Variants in NEGR1 observed in about 807,000 individuals in gnomAD.
The protein encoded by NEGR1 is IgLON family member 4.
NEGR1 carries 10 observed loss-of-function variants against 40.9 expected under a neutral mutation model. That is an observed-to-expected ratio of 0.24 (90% CI 0.15 to 0.42). The LOEUF is 0.42. Among genes scored for constraint, NEGR1 ranks in the 10% least tolerant of loss-of-function variants. The pLI is 1.00. For missense variants in NEGR1, 352 were observed against 438.9 expected (o/e 0.80, Z 1.77); for synonymous variants, 185 against 166.8 (o/e 1.11, Z -0.84).
chr1:71,705,580 C>T (rs778290858), intron 3 of NEGR1, among the ~76,000 whole-genome samples: 5 of 152,002 alleles, frequency 3.3e-5, no homozygotes, highest in Non-Finnish European at 5.9e-5. Flanking sequence ...CCAGGCCTGG[C>T]GTGGTGGTGG....
chr1:71,563,952 C>T (rs961804501), intron 6 of NEGR1, among the ~76,000 whole-genome samples: 2 of 149,944 alleles, frequency 1.3e-5, no homozygotes, highest in African/African-American at 4.9e-5. Context: ...GCACACTGAT[C>T]GGGGAGGAAA....
intron 1 of NEGR1, among the ~76,000 whole-genome samples, chr1:72,196,496 A>C (rs1653003289): frequency 6.6e-6 from 1 of 152,136 alleles, no homozygotes; most frequent in Admixed American, 6.6e-5. Context: ...CTGGCTGGGC[A>C]CAGTGGCCCA....
At chr1:71,887,670 G>A (rs1052809266) in intron 2 of NEGR1, among the ~76,000 whole-genome samples, 6 of 151,958 alleles carry the variant, frequency 3.9e-5, no homozygotes, top group Non-Finnish European at 5.9e-5. Flanking sequence ...CCTCCTTCCA[G>A]CTTTTTAAAA....
chr1:72,157,479 C>T (rs181230181), intron 1 of NEGR1, among the ~76,000 whole-genome samples: 2 of 152,266 alleles, frequency 1.3e-5, no homozygotes, highest in Admixed American at 1.3e-4. Context: ...TTTTGTAACT[C>T]TCACATATAT....
chr1:71,988,419 G>T (rs1379579322), intron 1 of NEGR1, among the ~76,000 whole-genome samples: 1 of 151,526 alleles, frequency 6.6e-6, no homozygotes, highest in East Asian at 1.9e-4. Context: ...GGCGCCTGTA[G>T]TCCCAGCTAC....
chr1:71,667,513 A>G (rs1652282314), intron 4 of NEGR1, among the ~76,000 whole-genome samples: 1 of 152,152 alleles, frequency 6.6e-6, no homozygotes, highest in Admixed American at 6.6e-5. Flanking sequence ...CTCCAATTCT[A>G]CACCCTGGTG....
At chr1:71,833,229 A>AT (rs1359401062) in intron 2 of NEGR1, among the ~76,000 whole-genome samples, 1 of 152,046 alleles carries the variant, frequency 6.6e-6, no homozygotes, top group Non-Finnish European at 1.5e-5. Flanking sequence ...TATGAACATC[A>AT]TTTTTTAAGT....
chr1:72,041,344 A>G (rs183065850), intron 1 of NEGR1, among the ~76,000 whole-genome samples: 2 of 150,592 alleles, frequency 1.3e-5, no homozygotes, highest in Admixed American at 1.3e-4. Flanking sequence ...TAGCTTTGGT[A>G]TTTTGGTGTC....
chr1:72,060,227 C>A (rs953330867), intron 1 of NEGR1, among the ~76,000 whole-genome samples: 2 of 151,626 alleles, frequency 1.3e-5, no homozygotes, highest in Non-Finnish European at 3.0e-5. Flanking sequence ...CCCTCACACA[C>A]AGACAGTTAA....
At chr1:71,580,123 A>C (rs1231839535) in intron 6 of NEGR1, among the ~76,000 whole-genome samples, 2 of 152,142 alleles carry the variant, frequency 1.3e-5, no homozygotes, top group African/African-American at 4.8e-5. Flanking sequence ...AATACTATGC[A>C]GCCATAAAAA....
Position 71,528,189 on chromosome 1 carries a change from G to T in NEGR1, c.940+64628C>A, listed in dbSNP as rs1014946424. 2.0e-5 allele frequency among the ~76,000 whole-genome samples: 3 copies of T among 151,214 alleles called. No homozygotes were observed. In the East Asian group the frequency reaches 5.9e-4, roughly 29 times the overall value. On this transcript the variant is annotated intron_variant, in intron 6 of 6. Coordinates refer to ENST00000357731, the MANE Select transcript of NEGR1 (RefSeq NM_173808.3). ...AGTCTTCTACATTTTCTACCATTTT[G>T]ACTTTTTAAGTTTTTGCTTGCTATG...
chr1:72,142,830 T>C (rs1650739433), intron 1 of NEGR1, among the ~76,000 whole-genome samples: 1 of 151,804 alleles, frequency 6.6e-6, no homozygotes, highest in South Asian at 2.1e-4. Flanking sequence ...TGATGATCCC[T>C]AGAAAGAAAG....
At chr1:71,521,768 G>T (rs1274242432) in intron 6 of NEGR1, among the ~76,000 whole-genome samples, 1 of 151,906 alleles carries the variant, frequency 6.6e-6, no homozygotes, top group Non-Finnish European at 1.5e-5. Context: ...TTTATAAGAG[G>T]GGAGAAGATA....
intron 3 of NEGR1, among the ~76,000 whole-genome samples, chr1:71,759,336 C>T (rs1329398946): frequency 4.0e-5 from 4 of 101,134 alleles, no homozygotes; most frequent in South Asian, 6.6e-4. Flanking sequence ...CTCACTTTGT[C>T]GCCCAGGCTG....
intron 4 of NEGR1, among the ~76,000 whole-genome samples, chr1:71,627,344 A>G (rs1650820553): frequency 6.6e-6 from 1 of 152,164 alleles, no homozygotes; most frequent in Admixed American, 6.6e-5. Context: ...GCAATATCAC[A>G]TGTAACACTA....
chr1:71,703,484 C>A (rs1653768463), intron 3 of NEGR1: 7 of 142,286 alleles, frequency 4.9e-5, no homozygotes, highest in South Asian at 2.2e-4. Flanking sequence ...AGAAAGAGAC[C>A]TAGAAATGAA....
intron 1 of NEGR1, among the ~76,000 whole-genome samples, chr1:72,145,750 T>C (rs775293502): frequency 2.6e-5 from 4 of 152,254 alleles, no homozygotes; most frequent in Non-Finnish European, 5.9e-5. Flanking sequence ...TCTACCTTCA[T>C]TATTTTTCCT....
At chr1:72,084,485 A>G in intron 1 of NEGR1, among the ~76,000 whole-genome samples, 1 of 152,178 alleles carries the variant, frequency 6.6e-6, no homozygotes, top group East Asian at 1.9e-4. Context: ...GTAATTGATC[A>G]CCAATCAAAA....
intron 2 of NEGR1, among the ~76,000 whole-genome samples, chr1:71,906,006 T>A (rs2101868154): frequency 6.6e-6 from 1 of 152,240 alleles, no homozygotes; most frequent in African/African-American, 2.4e-5. Flanking sequence ...ATTAGGGACT[T>A]TCCACCATAT....
Sources: allele counts gnomAD v4.1 joint callset (sites outside exome capture counted in the v4.1 genomes callset), GRCh38; gene constraint gnomAD v4.1.1; transcripts MANE v1.5; gene names NCBI Gene and HGNC (gene_info 2026-07-23, HGNC 2026-07-21).